Variants in ARHGEF4 observed in about 807,000 individuals in gnomAD.
ARHGEF4 encodes APC-stimulated guanine nucleotide exchange factor 1.
In ARHGEF4, 119 loss-of-function variants were observed where a neutral mutation model predicts 162.0. That is an observed-to-expected ratio of 0.73 (90% CI 0.63 to 0.86). The LOEUF (loss-of-function observed/expected upper bound fraction) is 0.86, where lower values mean the gene tolerates loss of function less well. ARHGEF4 is among the 40% of genes least tolerant of loss of function. The probability of loss-of-function intolerance (pLI) is 0.00; values close to 1 mark genes in which losing one functional copy is unlikely to be tolerated. For synonymous variants in ARHGEF4, 1,014 were observed against 979.9 expected, an observed-to-expected ratio of 1.03 and a Z score of -0.65; for missense variants, 2,488 against 2,456.0, an observed-to-expected ratio of 1.01 and a Z score of -0.28.
At position 130,974,781 on chromosome 2, in the gene ARHGEF4, T is replaced by G. The variant is rs569075878; in HGVS notation, c.3985+28146T>G. ...CCGGCAACTTTTTTGAGTAAGAAAT[T>G]TTTGTTTTCTGAAATACTCAAGGGC... is the stretch of plus-strand genomic sequence containing the variant. On this transcript the variant is annotated intron_variant, in intron 4 of 13. Coordinates refer to ENST00000409359, the MANE Select transcript of ARHGEF4 (RefSeq NM_001367493.1). Among the ~76,000 whole-genome samples, 30 of 152,164 alleles carry G rather than the reference T, an allele frequency of 2.0e-4. 1 individual carries two copies. The South Asian group carries it at 6.0e-3, about 30-fold the overall frequency.
intron 2 of ARHGEF4, among the ~76,000 whole-genome samples, chr2:130,927,762 G>A (rs1382977681): frequency 3.9e-5 from 6 of 152,116 alleles, no homozygotes; most frequent in Admixed American, 3.9e-4. Flanking sequence ...ATGATCCCTA[G>A]CTGGTCTACT....
intron 5 of ARHGEF4, among the ~76,000 whole-genome samples, chr2:131,031,089 A>T (rs934026874): frequency 6.6e-6 from 1 of 152,194 alleles, no homozygotes; most frequent in African/African-American, 2.4e-5. Context: ...ATTTTCTAAG[A>T]ATATGTAGGG....
chr2:130,966,185 G>T (rs1460719091), intron 4 of ARHGEF4, among the ~76,000 whole-genome samples: 1 of 152,142 alleles, frequency 6.6e-6, no homozygotes, highest in Non-Finnish European at 1.5e-5. Context: ...CCCACTTCCT[G>T]CCTTGTTTGG....
chr2:131,042,428 TGAC>T (rs1279065345), intron 10 of ARHGEF4, among the ~76,000 whole-genome samples: 1 of 152,210 alleles, frequency 6.6e-6, no homozygotes, highest in African/African-American at 2.4e-5. Flanking sequence ...TTAGAACTAA[TGAC>T]GATGTTCCTG....
intron 5 of ARHGEF4, among the ~76,000 whole-genome samples, chr2:131,034,715 GGGGCATCCCCGAGCGCCCCCGT>G (rs1317554586): frequency 6.6e-6 from 1 of 152,120 alleles, no homozygotes; most frequent in African/African-American, 2.4e-5. Flanking sequence ...AGGAGGTCCC[GGGGCATCCCCGAGCGCCCCCGT>G]GGCCATCTGT....
chr2:130,915,281 G>C lies in ARHGEF4; in HGVS notation c.1335G>C (p.Glu445Asp). Residue 445 changes from glutamate to aspartate, a missense_variant, in exon 2 of 14, where the codon GAG becomes GAC. Transcript: ENST00000409359. ...TGGTGGCTTCATGCCTCACCTCAGAGTTAGTGAAGCTCAGTGCAGAGGAAG... is the reference window on the plus strand; with the variant it reads ...TGGTGGCTTCATGCCTCACCTCAGACTTAGTGAAGCTCAGTGCAGAGGAAG... ...SCLVASCLTSELVKLSAEEVP... is the reference protein window; with the variant it reads ...SCLVASCLTSDLVKLSAEEVP... 1.3e-6 allele frequency: 2 copies of C among 1,550,658 alleles called. No homozygotes were observed. Among genetic ancestry groups the C allele is most frequent in the Non-Finnish European group, 1.7e-6 (2 of 1,147,024 alleles).
At chr2:130,849,959 C>T (rs1325625825) in intron 1 of ARHGEF4, among the ~76,000 whole-genome samples, 2 of 152,208 alleles carry the variant, frequency 1.3e-5, no homozygotes, top group Non-Finnish European at 2.9e-5. Flanking sequence ...TTTCCTTCTT[C>T]CTCAAAAGCT....
chr2:130,983,909 A>G (rs538454135), intron 4 of ARHGEF4, among the ~76,000 whole-genome samples: 1 of 152,314 alleles, frequency 6.6e-6, no homozygotes, highest in East Asian at 1.9e-4. Flanking sequence ...TCGGCCTCCC[A>G]AAGTGCTGGG....
chr2:131,009,856 A>G (rs997166818), intron 4 of ARHGEF4, among the ~76,000 whole-genome samples: 3 of 152,218 alleles, frequency 2.0e-5, no homozygotes, highest in African/African-American at 7.2e-5. Context: ...TTGGGAACCA[A>G]TCACATTTTC....
chr2:130,993,952 G>A (rs894712118), intron 4 of ARHGEF4, among the ~76,000 whole-genome samples: 1 of 152,024 alleles, frequency 6.6e-6, no homozygotes, highest in African/African-American at 2.4e-5. Context: ...GCTAATTTTT[G>A]TATTTTTAGT....
At chr2:130,893,844 C>A (rs1251070672) in intron 1 of ARHGEF4, among the ~76,000 whole-genome samples, 1 of 152,178 alleles carries the variant, frequency 6.6e-6, no homozygotes, top group Admixed American at 6.5e-5. Flanking sequence ...ACTTAGCAGG[C>A]GAGAAGAGCC....
At chr2:130,881,784 G>A (rs965048018) in intron 1 of ARHGEF4, among the ~76,000 whole-genome samples, 2 of 152,122 alleles carry the variant, frequency 1.3e-5, no homozygotes, top group Non-Finnish European at 2.9e-5. Flanking sequence ...GTGATGCCAC[G>A]TGCAGCCAGT....
intron 4 of ARHGEF4, among the ~76,000 whole-genome samples, chr2:131,001,302 CAAAAAAAAAAAAAAAA>C (rs70994730): frequency 3.2e-5 from 1 of 31,156 alleles, no homozygotes; most frequent in East Asian, 1.2e-3. Flanking sequence ...GACTGTGTCT[CAAAAAAAAAAAAAAAA>C]AAAAAAAAAA....
Position 130,916,102 on chromosome 2 carries a change from C to G in ARHGEF4, c.2156C>G (p.Pro719Arg), listed in dbSNP as rs1015906199. ...GCAGAGCTTGGGAGAGTGCTGGTCCCCCAAGCTGCTTCGGAAGAGACGCCG... is the reference window on the plus strand; with the variant it reads ...GCAGAGCTTGGGAGAGTGCTGGTCCGCCAAGCTGCTTCGGAAGAGACGCCG... ...QAAELGRVLVPQAASEETPST... is the reference protein window; with the variant it reads ...QAAELGRVLVRQAASEETPST... Residue 719 changes from proline (P) to arginine (R), a missense_variant, in exon 2 of 14, where the codon CCC (proline) becomes CGC (arginine). Coordinates refer to ENST00000409359, the MANE Select transcript of ARHGEF4 (RefSeq NM_001367493.1). 1.9e-6 allele frequency: 3 copies of G among 1,550,066 alleles called. No homozygotes were observed. In the South Asian group the frequency reaches 3.6e-5, roughly 18 times the overall value.
intron 4 of ARHGEF4, among the ~76,000 whole-genome samples, chr2:131,004,599 A>G (rs1258722260): frequency 6.6e-6 from 1 of 152,094 alleles, no homozygotes; most frequent in Non-Finnish European, 1.5e-5. Flanking sequence ...TCCTTGTCAC[A>G]CAGCCCGGCC....
At chr2:130,901,851 A>C (rs1019165778) in intron 1 of ARHGEF4, among the ~76,000 whole-genome samples, 1 of 151,694 alleles carries the variant, frequency 6.6e-6, no homozygotes, top group African/African-American at 2.4e-5. Context: ...ACCTCCTTAA[A>C]CTCTCACACA....
intron 5 of ARHGEF4, among the ~76,000 whole-genome samples, chr2:131,036,316 C>T (rs1690278703): frequency 6.6e-6 from 1 of 152,244 alleles, no homozygotes; most frequent in Non-Finnish European, 1.5e-5. Context: ...ATTAGAGTAC[C>T]TCCCGAGTGG....
chr2:130,981,677 AAAAAG>A (rs1686132266), intron 4 of ARHGEF4, among the ~76,000 whole-genome samples: 1 of 151,818 alleles, frequency 6.6e-6, no homozygotes, highest in Non-Finnish European at 1.5e-5. Context: ...AAAAAAGAAA[AAAAAG>A]AAGTAAAAAC....
At position 130,993,675 on chromosome 2, in the gene ARHGEF4, G is replaced by A. The variant is rs368582194; in HGVS notation, c.3986-34270G>A. The stretch of plus-strand genomic sequence containing the variant: ...TATTAAATGTTTTTCTTTTTCTCTG[G>A]TAATGCATTTTGTCTTAAAGTCTAC... On this transcript the variant is annotated intron_variant, in intron 4 of 13. Coordinates refer to ENST00000409359, the MANE Select transcript of ARHGEF4 (RefSeq NM_001367493.1). Among the ~76,000 whole-genome samples the A allele has an allele frequency of 2.2e-4, 33 of 151,948 alleles. No individual in the cohort carries two copies. The South Asian group carries it at 5.4e-3, about 25-fold the overall frequency.
Sources: allele counts gnomAD v4.1 joint callset (sites outside exome capture counted in the v4.1 genomes callset), GRCh38; gene constraint gnomAD v4.1.1; transcripts MANE v1.5; gene names NCBI Gene and HGNC (gene_info 2026-07-23, HGNC 2026-07-21).